Variants in TMC3 observed in about 807,000 individuals in gnomAD.
TMC3 encodes transmembrane channel like 3, also known as transmembrane channel-like protein 3.
TMC3 carries 98 observed loss-of-function variants against 110.6 expected under a neutral mutation model. That is an observed-to-expected ratio of 0.89 (90% CI 0.75 to 1.05). TMC3 has a LOEUF of 1.05. TMC3 is among the 50% of genes least tolerant of loss of function. The pLI is 0.00. For synonymous variants in TMC3, 489 were observed against 513.1 expected (o/e 0.95, Z 0.63); for missense variants, 1,319 against 1,373.2 (o/e 0.96, Z 0.62).
chr15:81,334,025 T>TGAATCTGTA (rs1416770964), intron 21 of TMC3, among the ~76,000 whole-genome samples: 1 of 151,710 alleles, frequency 6.6e-6, no homozygotes, highest in African/African-American at 2.4e-5. Context: ...GATAAAGACT[T>TGAATCTGTA]GAATCTGTAT....
chr15:81,341,593 A>G, intron 15 of TMC3, 75 bp from the exon 16 acceptor site: 4 of 1,505,302 alleles, frequency 2.7e-6, no homozygotes, highest in East Asian at 2.4e-5. Context: ...AGCCCCATGC[A>G]GGAACATGGT....
intron 15 of TMC3, among the ~76,000 whole-genome samples, chr15:81,342,339 T>A (rs1893732535): frequency 6.6e-6 from 1 of 152,206 alleles, no homozygotes; most frequent in African/African-American, 2.4e-5. Flanking sequence ...AAATGTTCAG[T>A]TATCATTATC....
At chr15:81,354,861 ATGT>A (rs151270906) in intron 9 of TMC3, among the ~76,000 whole-genome samples, 23,684 of 151,970 alleles carry the variant, frequency 0.16, 3,513 homozygotes, top group African/African-American at 0.4. Context: ...ATGGCACAGT[ATGT>A]TGTTATTATT....
At chr15:81,369,787 G>T (rs918607481) in intron 2 of TMC3, among the ~76,000 whole-genome samples, 1 of 152,110 alleles carries the variant, frequency 6.6e-6, no homozygotes, top group African/African-American at 2.4e-5. Flanking sequence ...TTAGCTGGAT[G>T]TGGTGGCACA....
At chr15:81,339,336 T>C in intron 17 of TMC3, 58 bp downstream of exon 17, 1 of 1,272,322 alleles carries the variant, frequency 7.9e-7, no homozygotes, top group African/African-American at 1.5e-5. Context: ...CAGTTCAATA[T>C]GATCTAATTC....
chr15:81,362,417 G>GT lies in TMC3; in HGVS notation c.313-117_313-116insA, dbSNP rs397717230. 11 of 659,536 alleles carry GT rather than the reference G, an allele frequency of 1.7e-5. No individual in the cohort carries two copies. The East Asian group carries it at 3.6e-4, about 22-fold the overall frequency. 40.9% of individuals were successfully genotyped at this position (659,536 alleles called of 1,614,324 possible). A position where few individuals can be genotyped will look rare whatever the true frequency, so the allele number is the denominator to read the frequency against. On this transcript the variant is annotated intron_variant, in intron 3 of 21. Transcript: ENST00000359440. ...CACTCCCTCTGGTACCTTTAATTAT[G>GT]ATTATGGCTTCATAGGCCTTTAAGC...
At chr15:81,371,236 C>T (rs1279731457) in intron 2 of TMC3, among the ~76,000 whole-genome samples, 1 of 151,984 alleles carries the variant, frequency 6.6e-6, no homozygotes, top group Non-Finnish European at 1.5e-5. Flanking sequence ...CATGAAAGGC[C>T]CATGAAGGAG....
chr15:81,370,647 G>A (rs1894413305), intron 2 of TMC3, among the ~76,000 whole-genome samples: 1 of 151,570 alleles, frequency 6.6e-6, no homozygotes, highest in Admixed American at 6.6e-5. Flanking sequence ...ATCATTTCGG[G>A]ATGATTTAGC....
In TMC3 at chr15:81,369,984, A is replaced by G. The variant is rs570243418; in HGVS notation, c.237-1656T>C. ...TCTGCCCTGGAAGAGTTCACTACCT[A>G]ATAGGGATGACAGAGACCTTTAAAG... On this transcript the variant is annotated intron_variant, in intron 2 of 21. Transcript: ENST00000359440. Among the ~76,000 whole-genome samples, 4 of 152,278 alleles carry G rather than the reference A, an allele frequency of 2.6e-5. No individual in the cohort carries two copies. The East Asian group carries it at 7.7e-4, about 29-fold the overall frequency.
In TMC3 at chr15:81,337,743, C is replaced by T. The variant is rs1048605061; in HGVS notation, c.2160+103G>A. 2.1e-5 allele frequency: 21 copies of T among 1,020,708 alleles called. No individual in the cohort carries two copies. In the African/African-American group the frequency reaches 2.8e-4, roughly 14 times the overall value. 63.2% of individuals were successfully genotyped at this position (1,020,708 alleles called of 1,614,324 possible). A position where few individuals can be genotyped will look rare whatever the true frequency, so the allele number is the denominator to read the frequency against. On this transcript the variant is annotated intron_variant, in intron 19 of 21. Coordinates refer to ENST00000359440, the MANE Select transcript of TMC3 (RefSeq NM_001080532.3). ...CACCATAGTGGGTGGCCAAGAGTCA[C>T]AGAAACCTTGAAGATGTGACTTCAC...
At chr15:81,363,529 C>T (rs189409764) in intron 3 of TMC3, among the ~76,000 whole-genome samples, 81 of 152,210 alleles carry the variant, frequency 5.3e-4, no homozygotes, top group Non-Finnish European at 2.6e-4. Flanking sequence ...TCATTCTGGA[C>T]GTGTCTGCTG....
chr15:81,343,112 GAA>G, intron 15 of TMC3, 164 bp downstream of exon 15: 1 of 483,062 alleles, frequency 2.1e-6, no homozygotes, highest in East Asian at 3.1e-5. Flanking sequence ...AAATTCTTAG[GAA>G]ACCATTAATA....
intron 16 of TMC3, 51 bp from the exon 17 acceptor site, chr15:81,339,555 C>T (rs1893669423): frequency 7.0e-7 from 1 of 1,429,512 alleles, no homozygotes; most frequent in Non-Finnish European, 9.7e-7. Flanking sequence ...AGCCAGTTGC[C>T]AGGGTTGCAT....
At chr15:81,343,841 T>C in intron 14 of TMC3, 76 bp downstream of exon 14, 5 of 1,536,320 alleles carry the variant, frequency 3.3e-6, no homozygotes, top group Non-Finnish European at 4.4e-6. Context: ...TATGCTGGAC[T>C]GTTTCCCAGC....
At position 81,364,648 on chromosome 15, in the gene TMC3, A is replaced by G. The variant is rs1055934063; in HGVS notation, c.313-2347T>C. 7.7e-4 allele frequency among the ~76,000 whole-genome samples: 115 copies of G among 150,304 alleles called. 1 individual carries two copies. The highest frequency in any genetic ancestry group is 2.8e-3 in the African/African-American group (114 of 40,374). On this transcript the variant is annotated intron_variant, in intron 3 of 21. Transcript: ENST00000359440. Reference sequence around the variant, plus strand: ...GTATACATATGTAACTAACCTGCACAATGTGCACATGTACCCTAAAACTTA... The same window carrying G: ...GTATACATATGTAACTAACCTGCACGATGTGCACATGTACCCTAAAACTTA...
Position 81,332,312 on chromosome 15 carries a change from G to A in TMC3, c.*107C>T. Reference sequence around the variant, plus strand: ...AGCAGCCGCTGACCATGCCCCTCAGGTCTCTAACACACTTGTTCACCTCTT... The same window carrying A: ...AGCAGCCGCTGACCATGCCCCTCAGATCTCTAACACACTTGTTCACCTCTT... On this transcript the variant is annotated 3_prime_UTR_variant, in exon 22 of 22. Transcript: ENST00000359440. The A allele has an allele frequency of 7.0e-7, 1 of 1,426,798 alleles. No individual in the cohort carries two copies. Among genetic ancestry groups the A allele is most frequent in the Non-Finnish European group, 9.3e-7 (1 of 1,079,856 alleles). The allele number at this position is 1,426,798 out of a possible 1,614,324, so 88.4% of individuals were successfully genotyped here. A position where few individuals can be genotyped will look rare whatever the true frequency, so the allele number is the denominator to read the frequency against.
In TMC3 at chr15:81,356,492, T is replaced by A; in HGVS notation, c.846A>T (p.Pro282=). Residue 282 remains proline (P), a synonymous_variant, in exon 8 of 22, where the codon CCA becomes CCT. Transcript: ENST00000359440. ...FCAWDYLIGN[P]EAAESKTAAI... ...CAGCTGTTTTGCTCTCTGCAGCCTC[T>A]GGGTTTCCAATGAGGTAATCCCAGG... The A allele has an allele frequency of 6.4e-7, 1 of 1,569,506 alleles. No homozygotes were observed. Among genetic ancestry groups the A allele is most frequent in the East Asian group, 2.4e-5 (1 of 42,522 alleles).
At chr15:81,350,884 C>T (rs895628767) in intron 10 of TMC3, among the ~76,000 whole-genome samples, 4 of 152,130 alleles carry the variant, frequency 2.6e-5, no homozygotes, top group Admixed American at 1.3e-4. Flanking sequence ...GGAATATTCA[C>T]ACAACGGGGG....
intron 7 of TMC3, among the ~76,000 whole-genome samples, 196 bp from the exon 8 acceptor site, chr15:81,356,790 A>C (rs1894074326): frequency 6.6e-6 from 1 of 152,224 alleles, no homozygotes; most frequent in Non-Finnish European, 1.5e-5. Context: ...ACTTTGGAAC[A>C]GTGTGAAAAC....
Sources: gnomAD v4.1 joint callset for allele counts (sites outside exome capture counted in the v4.1 genomes callset) on GRCh38, gnomAD v4.1.1 for gene constraint, MANE v1.5 for transcripts, NCBI Gene and HGNC (gene_info 2026-07-23, HGNC 2026-07-21) for gene names.